Variants in CSMD1 observed in about 807,000 individuals in gnomAD.
The protein encoded by CSMD1 is CUB and sushi domain-containing protein 1.
In CSMD1, 213 loss-of-function variants were observed where a neutral mutation model predicts 417.5. The observed-to-expected ratio is 0.51, with a 90% confidence interval of 0.46 to 0.57. The LOEUF (loss-of-function observed/expected upper bound fraction) is 0.57. CSMD1 is among the 20% of genes least tolerant of loss of function. The probability of loss-of-function intolerance (pLI) is 0.00; values close to 1 mark genes in which losing one functional copy is unlikely to be tolerated. For synonymous variants in CSMD1, 2,862 were observed against 1,736.8 expected, an observed-to-expected ratio of 1.65 and a Z score of -16.11; for missense variants, 6,923 against 4,529.7, an observed-to-expected ratio of 1.53 and a Z score of -15.17.
At chr8:4,842,816 G>A (rs1041749806) in intron 1 of CSMD1, among the ~76,000 whole-genome samples, 3 of 152,182 alleles carry the variant, frequency 2.0e-5, no homozygotes, top group African/African-American at 4.8e-5. Context: ...AAAACAGTGA[G>A]TCACTTTCTC....
intron 2 of CSMD1, among the ~76,000 whole-genome samples, chr8:4,606,786 G>T (rs916409322): frequency 6.6e-6 from 1 of 152,012 alleles, no homozygotes; most frequent in South Asian, 2.1e-4. Context: ...TGACATAAAG[G>T]GGAGTATCAT....
intron 3 of CSMD1, among the ~76,000 whole-genome samples, chr8:4,228,618 T>A (rs541108298): frequency 2.0e-5 from 3 of 148,932 alleles, no homozygotes; most frequent in African/African-American, 7.3e-5. Flanking sequence ...TACCCTCACT[T>A]CCCAAGTAAC....
intron 5 of CSMD1, among the ~76,000 whole-genome samples, chr8:3,828,120 GC>G (rs1338799023): frequency 6.6e-6 from 1 of 152,168 alleles, no homozygotes; most frequent in Non-Finnish European, 1.5e-5. Context: ...AGCCCATATG[GC>G]AGAACCTGGG....
In CSMD1 at chr8:4,252,472, T is replaced by C. The variant is rs552910951; in HGVS notation, c.415+167481A>G. Among the ~76,000 whole-genome samples the C allele has an allele frequency of 4.6e-5, 7 of 152,370 alleles. No individual in the cohort carries two copies. The East Asian group carries it at 1.2e-3, about 25-fold the overall frequency. ...AATGAGAACTTGAGTTACACTCTAA[T>C]ACATTTCCAGGGCTTTTGAGAAGCC... is the stretch of plus-strand genomic sequence containing the variant. On this transcript the variant is annotated intron_variant, in intron 3 of 69. Coordinates refer to ENST00000635120, the MANE Select transcript of CSMD1 (RefSeq NM_033225.6).
At chr8:4,042,795 G>C (rs1433365010) in intron 3 of CSMD1, among the ~76,000 whole-genome samples, 2 of 102,984 alleles carry the variant, frequency 1.9e-5, no homozygotes, top group Non-Finnish European at 3.8e-5. Flanking sequence ...CTATACAATA[G>C]GTGAAGTGGT....
chr8:4,321,282 G>A (rs967691447), intron 3 of CSMD1, among the ~76,000 whole-genome samples: 1 of 152,126 alleles, frequency 6.6e-6, no homozygotes, highest in African/African-American at 2.4e-5. Context: ...GTGTTGGTAT[G>A]TTCAGAGCTG....
chr8:2,950,136 T>G, intron 67 of CSMD1, 95 bp downstream of exon 67: 2 of 792,546 alleles, frequency 2.5e-6, no homozygotes, highest in Non-Finnish European at 4.3e-6. Context: ...ACAAGACAGC[T>G]CTACTCAGAA....
At chr8:3,189,774 T>C in intron 34 of CSMD1, 138 bp downstream of exon 34, 1 of 688,494 alleles carries the variant, frequency 1.5e-6, no homozygotes. Flanking sequence ...CTAACTCAAT[T>C]ACTTCCCATG....
chr8:4,028,526 T>C (rs559532722), intron 4 of CSMD1, among the ~76,000 whole-genome samples: 34 of 151,880 alleles, frequency 2.2e-4, no homozygotes, highest in African/African-American at 7.5e-4. Context: ...AATAGGCAAA[T>C]ATGCAATAAC....
chr8:3,615,058 C>G (rs1303583041), intron 8 of CSMD1, among the ~76,000 whole-genome samples: 2 of 152,164 alleles, frequency 1.3e-5, no homozygotes, highest in East Asian at 1.9e-4. Context: ...GATAAAATTC[C>G]TGAATGACTT....
intron 4 of CSMD1, among the ~76,000 whole-genome samples, chr8:4,000,045 T>C (rs1326933939): frequency 6.6e-6 from 1 of 152,264 alleles, no homozygotes; most frequent in African/African-American, 2.4e-5. Flanking sequence ...GTGTGTATAC[T>C]ACAATTTGAA....
At chr8:3,774,278 A>T (rs1282498515) in intron 5 of CSMD1, among the ~76,000 whole-genome samples, 1 of 152,152 alleles carries the variant, frequency 6.6e-6, no homozygotes, top group Non-Finnish European at 1.5e-5. Flanking sequence ...TGCAATCAGA[A>T]TTGAATTCCA....
At chr8:4,566,059 G>A (rs1352721683) in intron 2 of CSMD1, among the ~76,000 whole-genome samples, 1 of 151,874 alleles carries the variant, frequency 6.6e-6, no homozygotes, top group Admixed American at 6.6e-5. Flanking sequence ...TTTTGCCTAT[G>A]AGATATATTA....
chr8:3,800,192 G>A (rs1800380426), intron 5 of CSMD1, among the ~76,000 whole-genome samples: 1 of 152,140 alleles, frequency 6.6e-6, no homozygotes, highest in South Asian at 2.1e-4. Flanking sequence ...TGAAAATTCA[G>A]CAGAGAGCAG....
In CSMD1 at chr8:4,471,428, G is replaced by T. The variant is rs543698230; in HGVS notation, c.303-51363C>A. On this transcript the variant is annotated intron_variant, in intron 2 of 69. Transcript: ENST00000635120. ...TATACAGGTAGATTACCCAAGTGCAGCACGTAGCTGTCAGCAAGCCTCTCG... is the reference window on the plus strand; with the variant it reads ...TATACAGGTAGATTACCCAAGTGCATCACGTAGCTGTCAGCAAGCCTCTCG... Among the ~76,000 whole-genome samples, 5 of 152,192 alleles carry T rather than the reference G, an allele frequency of 3.3e-5. No individual in the cohort carries two copies. The East Asian group carries it at 9.7e-4, about 29-fold the overall frequency.
intron 3 of CSMD1, among the ~76,000 whole-genome samples, chr8:4,325,036 T>C (rs987475878): frequency 5.9e-5 from 9 of 152,248 alleles, no homozygotes; most frequent in African/African-American, 2.2e-4. Flanking sequence ...GCACTGTGGC[T>C]CCTTAAAATG....
intron 1 of CSMD1, among the ~76,000 whole-genome samples, chr8:4,972,274 C>CTGATAT (rs1450658640): frequency 5.4e-5 from 8 of 146,876 alleles, no homozygotes; most frequent in African/African-American, 2.2e-4. Flanking sequence ...TTGTTTTGCT[C>CTGATAT]TGTCACCACC....
chr8:3,486,676 C>G (rs994550456), intron 11 of CSMD1, among the ~76,000 whole-genome samples: 2 of 152,220 alleles, frequency 1.3e-5, no homozygotes, highest in Admixed American at 1.3e-4. Flanking sequence ...CAGCTGCCCT[C>G]GGGCTCCGAT....
At position 4,354,163 on chromosome 8, in the gene CSMD1, G is replaced by C. The variant is rs574447399; in HGVS notation, c.415+65790C>G. 2.0e-5 allele frequency among the ~76,000 whole-genome samples: 3 copies of C among 152,074 alleles called. 1 individual carries two copies. Among genetic ancestry groups the C allele is most frequent in the Non-Finnish European group, 4.4e-5 (3 of 68,024 alleles). On this transcript the variant is annotated intron_variant, in intron 3 of 69. Transcript: ENST00000635120. ...TAAAAATTTAAATGTAAAAATTATA[G>C]CATATTCCCAAACAACATGTCCACA...
Sources: gnomAD v4.1 joint callset for allele counts (sites outside exome capture counted in the v4.1 genomes callset) on GRCh38, gnomAD v4.1.1 for gene constraint, MANE v1.5 for transcripts, NCBI Gene and HGNC (gene_info 2026-07-23, HGNC 2026-07-21) for gene names.